The following PARD3 variants were observed in gnomAD, a reference collection of about 807,000 sequenced individuals.
PARD3 encodes par-3 family cell polarity regulator.
PARD3 carries 75 observed loss-of-function variants against 155.4 expected under a neutral mutation model. That is an observed-to-expected ratio of 0.48 (90% CI 0.40 to 0.58). PARD3 has a LOEUF of 0.58. PARD3 is among the 20% of genes least tolerant of loss of function. The pLI is 0.00. For synonymous variants in PARD3, 576 were observed against 610.5 expected (o/e 0.94, Z 0.83); for missense variants, 1,642 against 1,721.7 (o/e 0.95, Z 0.82).
chr10:34,364,213 A>C (rs1410797497), intron 12 of PARD3, among the ~76,000 whole-genome samples: 1 of 152,232 alleles, frequency 6.6e-6, no homozygotes, highest in Non-Finnish European at 1.5e-5. Context: ...TCTGAGCCGC[A>C]ACAAACGAAA....
chr10:34,265,237 T>C (rs1313601180), intron 22 of PARD3, among the ~76,000 whole-genome samples: 1 of 152,198 alleles, frequency 6.6e-6, no homozygotes, highest in Non-Finnish European at 1.5e-5. Context: ...CAAACAGACA[T>C]GGGACTATTT....
At chr10:34,507,548 C>CAAAAAAAAAAAAACAAAAAAAAAAAA (rs2081151199) in intron 3 of PARD3, among the ~76,000 whole-genome samples, 1 of 43,002 alleles carries the variant, frequency 2.3e-5, no homozygotes, top group African/African-American at 1.1e-4. Flanking sequence ...ATTAAAAAAA[C>CAAAAAAAAAAAAACAAAAAAAAAAAA]AAAAAAAAAA....
intron 4 of PARD3, among the ~76,000 whole-genome samples, chr10:34,453,163 C>G (rs984652415): frequency 2.0e-5 from 3 of 152,216 alleles, no homozygotes; most frequent in Non-Finnish European, 1.5e-5. Context: ...ACCACACAAA[C>G]TTCTTCACCT....
intron 1 of PARD3, among the ~76,000 whole-genome samples, chr10:34,792,040 C>T (rs1049935697): frequency 2.6e-5 from 4 of 152,194 alleles, no homozygotes; most frequent in South Asian, 4.1e-4. Context: ...GGATGCATCA[C>T]GTGCTCGCCT....
At chr10:34,563,012 T>C (rs7071602) in intron 2 of PARD3, among the ~76,000 whole-genome samples, 76,096 of 151,948 alleles carry the variant, frequency 0.5, 20,663 homozygotes, top group African/African-American at 0.73. Flanking sequence ...TTTAAGCAAT[T>C]CTTCAACCTT....
chr10:34,279,163 T>TTA (rs1210842587), intron 21 of PARD3, among the ~76,000 whole-genome samples: 1,529 of 148,206 alleles, frequency 0.01, 14 homozygotes, highest in Non-Finnish European at 0.017. Flanking sequence ...TTTTTTTTTT[T>TTA]AGAGACAAGC....
chr10:34,224,172 A>G (rs147433988), intron 22 of PARD3, among the ~76,000 whole-genome samples: 4 of 152,320 alleles, frequency 2.6e-5, no homozygotes, highest in African/African-American at 9.6e-5. Flanking sequence ...CAAAACAACA[A>G]ACTTTAAGAG....
intron 5 of PARD3, among the ~76,000 whole-genome samples, chr10:34,420,454 TAAAG>T (rs1156314505): frequency 6.6e-6 from 1 of 152,150 alleles, no homozygotes; most frequent in Non-Finnish European, 1.5e-5. Flanking sequence ...TGTATGATCT[TAAAG>T]AGGATGAAAC....
At chr10:34,358,929 G>A (rs1387649195) in intron 14 of PARD3, among the ~76,000 whole-genome samples, 1 of 152,172 alleles carries the variant, frequency 6.6e-6, no homozygotes, top group East Asian at 1.9e-4. Context: ...TGCTGAGTTG[G>A]CAATAGGAGT....
intron 3 of PARD3, among the ~76,000 whole-genome samples, chr10:34,486,565 T>C (rs1206609006): frequency 1.3e-5 from 2 of 152,156 alleles, no homozygotes; most frequent in Non-Finnish European, 2.9e-5. Context: ...CCAGATGTGA[T>C]TGGAAACAAT....
chr10:34,422,227 C>A (rs1463574183), intron 5 of PARD3, among the ~76,000 whole-genome samples: 1 of 152,100 alleles, frequency 6.6e-6, no homozygotes, highest in Non-Finnish European at 1.5e-5. Context: ...TACTGTGTGA[C>A]CTTTAGCAAA....
intron 5 of PARD3, among the ~76,000 whole-genome samples, chr10:34,447,517 A>AAAAAAAAAAAC (rs2076809297): frequency 7.3e-6 from 1 of 136,368 alleles, no homozygotes; most frequent in Non-Finnish European, 1.5e-5. Flanking sequence ...AAAAAAAAAA[A>AAAAAAAAAAAC]AAGGGCCAGT....
At chr10:34,646,012 G>A (rs1173978269) in intron 2 of PARD3, among the ~76,000 whole-genome samples, 1 of 152,182 alleles carries the variant, frequency 6.6e-6, no homozygotes, top group Admixed American at 6.5e-5. Context: ...ATATGTTGTA[G>A]GAACTAGGCC....
chr10:34,152,238 G>A (rs1392680078), intron 22 of PARD3, among the ~76,000 whole-genome samples: 3 of 152,130 alleles, frequency 2.0e-5, no homozygotes, highest in Non-Finnish European at 1.5e-5. Flanking sequence ...TAGAACTACA[G>A]TCTTGCATTG....
At chr10:34,403,825 G>A (rs1209976884) in intron 5 of PARD3, among the ~76,000 whole-genome samples, 3 of 152,186 alleles carry the variant, frequency 2.0e-5, no homozygotes, top group Non-Finnish European at 4.4e-5. Context: ...ATGGGAGTGG[G>A]TGCAGGAAGG....
intron 5 of PARD3, among the ~76,000 whole-genome samples, chr10:34,422,325 A>C (rs1300355716): frequency 6.6e-6 from 1 of 152,164 alleles, no homozygotes; most frequent in Non-Finnish European, 1.5e-5. Flanking sequence ...TTTAAGAATA[A>C]CGTATATAAA....
chr10:34,235,445 T>C (rs952258792), intron 22 of PARD3, among the ~76,000 whole-genome samples: 2 of 152,240 alleles, frequency 1.3e-5, no homozygotes, highest in Admixed American at 6.5e-5. Context: ...TCATTCAAAT[T>C]GTTTGCCCTT....
chr10:34,690,513 C>T (rs2094035948), intron 2 of PARD3, among the ~76,000 whole-genome samples: 1 of 152,144 alleles, frequency 6.6e-6, no homozygotes, highest in South Asian at 2.1e-4. Context: ...GGCCTTACTA[C>T]ATTATGCTGA....
chr10:34,330,302 TG>T (rs1835477271), intron 19 of PARD3, among the ~76,000 whole-genome samples: 1 of 152,190 alleles, frequency 6.6e-6, no homozygotes, highest in Non-Finnish European at 1.5e-5. Context: ...ATATAAGAAA[TG>T]TTTAACTCTC....
Sources: gnomAD v4.1 joint callset for allele counts (sites outside exome capture counted in the v4.1 genomes callset) on GRCh38, gnomAD v4.1.1 for gene constraint, MANE v1.5 for transcripts, NCBI Gene and HGNC (gene_info 2026-07-23, HGNC 2026-07-21) for gene names.